The following ANK1 variants were observed in gnomAD, a reference collection of about 807,000 sequenced individuals.
The protein encoded by ANK1 is ankyrin 1.
Under a neutral mutation model 210.4 loss-of-function variants are expected in ANK1, and 51 were observed. That is an observed-to-expected ratio of 0.24 (90% CI 0.19 to 0.31). The LOEUF (loss-of-function observed/expected upper bound fraction) is 0.31, where lower values mean the gene tolerates loss of function less well. Among genes scored for constraint, ANK1 ranks in the 10% least tolerant of loss-of-function variants. The probability of loss-of-function intolerance (pLI) is 1.00; values close to 1 mark genes in which losing one functional copy is unlikely to be tolerated. For synonymous variants in ANK1, 967 were observed against 1,025.9 expected (o/e 0.94, Z 1.10); for missense variants, 2,051 against 2,504.4 (o/e 0.82, Z 3.86).
intron 1 of ANK1, among the ~76,000 whole-genome samples, chr8:41,876,980 AAAAT>A (rs903377014): frequency 4.6e-5 from 7 of 152,278 alleles, no homozygotes; most frequent in African/African-American, 1.7e-4. Context: ...GACCATCTTC[AAAAT>A]AAATAAATAA....
chr8:41,762,141 C>G (rs1245453462), intron 1 of ANK1, among the ~76,000 whole-genome samples: 3 of 152,220 alleles, frequency 2.0e-5, no homozygotes, highest in Non-Finnish European at 4.4e-5. Context: ...GCGGCAGGAG[C>G]CCCTTCTCAC....
chr8:41,767,840 C>T (rs1394486062), intron 1 of ANK1, among the ~76,000 whole-genome samples: 1 of 152,156 alleles, frequency 6.6e-6, no homozygotes. Context: ...GAATGGGCCC[C>T]GGAGCTTGCC....
intron 1 of ANK1, among the ~76,000 whole-genome samples, chr8:41,782,924 C>T (rs1410609956): frequency 1.3e-5 from 2 of 152,106 alleles, no homozygotes; most frequent in Non-Finnish European, 1.5e-5. Flanking sequence ...ATGGTATAGG[C>T]GTTTCTAAAA....
At chr8:41,807,057 A>ATT (rs1219167827) in intron 1 of ANK1, among the ~76,000 whole-genome samples, 7 of 152,250 alleles carry the variant, frequency 4.6e-5, no homozygotes, top group Non-Finnish European at 7.3e-5. Context: ...GTTCTCATTC[A>ATT]TTCATTTGTT....
chr8:41,717,753 T>A, intron 11 of ANK1, 51 bp from the exon 12 acceptor site: 1 of 1,432,786 alleles, frequency 7.0e-7, no homozygotes, highest in Non-Finnish European at 9.6e-7. Context: ...TCCGCTCCCC[T>A]GAAGAAGAGA....
chr8:41,796,686 C>T (rs573207487), intron 1 of ANK1, among the ~76,000 whole-genome samples: 23 of 151,400 alleles, frequency 1.5e-4, no homozygotes, highest in African/African-American at 5.1e-4. Context: ...GCGACTAAAC[C>T]AGACTCCTTT....
At chr8:41,719,907 A>T (rs759316520) in intron 9 of ANK1, 49 bp from the exon 10 acceptor site, 4 of 1,595,926 alleles carry the variant, frequency 2.5e-6, no homozygotes, top group Non-Finnish European at 2.6e-6. Context: ...CTGGGGACCG[A>T]GCATGGAGAT....
At chr8:41,706,864 C>T (rs1279701894) in intron 17 of ANK1, among the ~76,000 whole-genome samples, 1 of 152,070 alleles carries the variant, frequency 6.6e-6, no homozygotes, top group African/African-American at 2.4e-5. Context: ...TTTGGAAGGC[C>T]GAGGCAGGTG....
At chr8:41,659,354 C>T (rs1305571678) in intron 42 of ANK1, among the ~76,000 whole-genome samples, 3 of 152,208 alleles carry the variant, frequency 2.0e-5, no homozygotes, top group Non-Finnish European at 4.4e-5. Flanking sequence ...TGGCATTGTT[C>T]ATCCTCAGCT....
intron 33 of ANK1, 76 bp downstream of exon 33, chr8:41,690,151 G>A (rs1818860618): frequency 6.2e-7 from 1 of 1,603,968 alleles, no homozygotes; most frequent in Non-Finnish European, 8.5e-7. Context: ...TGGAAGTGCT[G>A]GACCTGGGGT....
intron 1 of ANK1, among the ~76,000 whole-genome samples, chr8:41,837,873 A>G (rs78284616): frequency 0.019 from 2,922 of 152,272 alleles, 43 homozygotes; most frequent in East Asian, 0.028. Flanking sequence ...GCATCTCAAA[A>G]AAAAAAATGT....
At chr8:41,672,238 A>C (rs962812072) in intron 38 of ANK1, 116 bp downstream of exon 38, 14 of 1,128,354 alleles carry the variant, frequency 1.2e-5, no homozygotes, top group Non-Finnish European at 1.8e-5. Flanking sequence ...GCTCCTGTGC[A>C]ATTAGAACCC....
At chr8:41,803,078 A>AGGGAAGGGAAG (rs58578009) in intron 1 of ANK1, among the ~76,000 whole-genome samples, 1 of 74,958 alleles carries the variant, frequency 1.3e-5, no homozygotes, top group African/African-American at 5.7e-5. Context: ...GAAGGAAGGA[A>AGGGAAGGGAAG]GGAAGGGAAG....
Position 41,725,425 on chromosome 8 carries a change from G to A in ANK1, c.612+336C>T, listed in dbSNP as rs368140117. 1.6e-3 allele frequency among the ~76,000 whole-genome samples: 249 copies of A among 152,262 alleles called. 2 individuals carry two copies. Among genetic ancestry groups the A allele is most frequent in the African/African-American group, 5.3e-3 (220 of 41,564 alleles). Reference sequence around the variant, plus strand: ...CCTGCACGCCTCCTCCCTCCACTACGGGGCAGCCGGGGAGGAGAGATGAAG... The same window carrying A: ...CCTGCACGCCTCCTCCCTCCACTACAGGGCAGCCGGGGAGGAGAGATGAAG... On this transcript the variant is annotated intron_variant, in intron 6 of 42. Coordinates refer to ENST00000289734, the MANE Select transcript of ANK1 (RefSeq NM_000037.4).
intron 37 of ANK1, among the ~76,000 whole-genome samples, chr8:41,674,355 C>T (rs1007349063): frequency 2.0e-5 from 3 of 152,248 alleles, no homozygotes; most frequent in African/African-American, 7.2e-5. Context: ...ACAGATGGGA[C>T]AGCTTCTTGT....
chr8:41,847,989 A>G (rs1810389064), intron 1 of ANK1, among the ~76,000 whole-genome samples: 1 of 152,094 alleles, frequency 6.6e-6, no homozygotes, highest in Admixed American at 6.6e-5. Context: ...GTTTGAGACC[A>G]GCCTGGCCAA....
intron 2 of ANK1, among the ~76,000 whole-genome samples, chr8:41,744,956 C>T (rs967630944): frequency 2.0e-5 from 3 of 152,116 alleles, no homozygotes; most frequent in African/African-American, 4.8e-5. Context: ...GAAATGGGCA[C>T]GCTGAGGGCC....
At chr8:41,670,388 G>A (rs1288009003) in intron 38 of ANK1, among the ~76,000 whole-genome samples, 2 of 152,022 alleles carry the variant, frequency 1.3e-5, no homozygotes, top group Non-Finnish European at 1.5e-5. Flanking sequence ...GAGCCCAGGC[G>A]TTCATGAACC....
In ANK1 at chr8:41,672,831, T is replaced by G. The variant is rs1211263348; in HGVS notation, c.4619A>C (p.Tyr1540Ser). 5 of 1,612,394 alleles carry G rather than the reference T, an allele frequency of 3.1e-6. No individual in the cohort carries two copies. Among genetic ancestry groups the G allele is most frequent in the Non-Finnish European group, 4.2e-6 (5 of 1,179,534 alleles). The stretch of plus-strand genomic sequence containing the variant: ...GTCTAGGACGGCCACCTCATTCCAG[T>G]ACTGGTCTGCACGTAGCGGAGAGGA... ...ALSSPLRADQYWNEVAVLDAI... is the reference protein window; with the variant it reads ...ALSSPLRADQSWNEVAVLDAI... Residue 1540 changes from tyrosine (Y) to serine (S), a missense_variant, in exon 38 of 43, where the codon TAC becomes TCC. Tyr to Ser is a moderately radical substitution (Grantham distance 144). Transcript: ENST00000289734.
Sources: allele counts gnomAD v4.1 joint callset (sites outside exome capture counted in the v4.1 genomes callset), GRCh38; gene constraint gnomAD v4.1.1; transcripts MANE v1.5; gene names NCBI Gene and HGNC (gene_info 2026-07-23, HGNC 2026-07-21).